GCGR: variants seen among roughly 807,000 people sequenced by gnomAD.
GCGR encodes glucagon receptor.
A neutral mutation model predicts 56.1 loss-of-function variants in GCGR; 41 were observed. The ratio of observed to expected loss-of-function variants is 0.73; its 90% CI spans 0.57 to 0.95. GCGR has a LOEUF of 0.95. GCGR is among the 40% of genes least tolerant of loss of function. GCGR has a pLI of 0.00. For synonymous variants in GCGR, 278 were observed against 271.1 expected, an observed-to-expected ratio of 1.03 and a Z score of -0.25; for missense variants, 595 against 638.2, an observed-to-expected ratio of 0.93 and a Z score of 0.73.
intron 2 of GCGR, 33 bp downstream of exon 2, chr17:81,809,111 GCCCTC>G: frequency 1.3e-6 from 2 of 1,532,242 alleles, no homozygotes; most frequent in Non-Finnish European, 1.7e-6. Flanking sequence ...GCACCCAGGG[GCCCTC>G]CTGTGAGGAC....
At chr17:81,805,066 G>T (rs1021065580) in intron 1 of GCGR, 10 of 152,304 alleles carry the variant, frequency 6.6e-5, no homozygotes, top group Admixed American at 2.0e-4. Context: ...CCCTGATCCC[G>T]CCCCGGTGCC....
In GCGR at chr17:81,809,238, G is replaced by GTCTGTCCA. The variant is rs1192231899; in HGVS notation, c.60+173_60+180dup. On this transcript the variant is annotated intron_variant, in intron 2 of 13. Coordinates refer to ENST00000400723, the MANE Select transcript of GCGR (RefSeq NM_000160.5). ...TGCCTGTCTGTCTGCCTGTCCGTCT[G>GTCTGTCCA]TCTGTCCATCTGTCCATCTGCCTAT... is the stretch of plus-strand genomic sequence containing the variant. Among the ~76,000 whole-genome samples the GTCTGTCCA allele has an allele frequency of 1.5e-4, 22 of 148,318 alleles. 1 individual carries two copies. The South Asian group carries it at 2.3e-3, about 16-fold the overall frequency.
In GCGR at chr17:81,812,911, A is replaced by G; in HGVS notation, c.1142A>G (p.Lys381Arg). ...GCCCAGGGCACCCTGCGCTCCGCCA[A>G]GCTCTTCTTCGACCTCTTCCTCAGC... ...EHAQGTLRSA[K>R]LFFDLFLSSF... is the part of the protein sequence containing the mutation. The change falls in exon 12 of 14, where the codon AAG becomes AGG. Residue 381 changes from lysine to arginine, a missense_variant. Coordinates refer to ENST00000400723, the MANE Select transcript of GCGR (RefSeq NM_000160.5). The surrounding 1 kb of genome is among the most constrained non-coding windows in gnomAD (Gnocchi z 8.5). 1 of 1,536,096 alleles carries G rather than the reference A, an allele frequency of 6.5e-7. No individual in the cohort carries two copies.
rs1476882602 is a variant in GCGR at position 81,809,502 on chromosome 17, TCTGC to T, written c.61-272_61-269del. Among the ~76,000 whole-genome samples, 683 of 107,096 alleles carry T rather than the reference TCTGC, an allele frequency of 6.4e-3. 10 individuals are homozygous for T. The highest frequency in any genetic ancestry group is 0.019 in the African/African-American group (640 of 33,868). 70.3% of individuals were successfully genotyped at this position (107,096 alleles called of 152,430 possible). A position where few individuals can be genotyped will look rare whatever the true frequency, so the allele number is the denominator to read the frequency against. Reference sequence around the variant, plus strand: ...GCCTGCCTGTCCGTCTGCCTGTCCGTCTGCCTGCCTGTCTGCCTGCCTGTCTGCC... The same window carrying T: ...GCCTGCCTGTCCGTCTGCCTGTCCGTCTGCCTGTCTGCCTGCCTGTCTGCC... On this transcript the variant is annotated intron_variant, in intron 2 of 13. Transcript: ENST00000400723.
At position 81,813,067 on chromosome 17, in the gene GCGR, A is replaced by T. The variant is rs1598240455; in HGVS notation, c.1218+10A>T. 6 of 1,535,672 alleles carry T rather than the reference A, an allele frequency of 3.9e-6. No homozygotes were observed. In the East Asian group the frequency reaches 1.5e-4, roughly 38 times the overall value. ...CTTCCTCAACAAGGAGGTAGGTGGG[A>T]GTGGGGGCATCTGAGACCATCAGCA... On this transcript the variant is annotated intron_variant, in intron 13 of 13. Coordinates refer to ENST00000400723, the MANE Select transcript of GCGR (RefSeq NM_000160.5). The surrounding 1 kb of genome is among the most constrained non-coding windows in gnomAD (Gnocchi z 5.3).
chr17:81,812,472 C>T lies in GCGR; in HGVS notation c.949-105C>T. On this transcript the variant is annotated intron_variant, in intron 10 of 13. Coordinates refer to ENST00000400723, the MANE Select transcript of GCGR (RefSeq NM_000160.5). The surrounding 1 kb of genome is among the most constrained non-coding windows in gnomAD (Gnocchi z 8.5). ...CAGGGCTATGTGGCCCAGGGCCTAT[C>T]TTGCTGCCAGGCCCACCTGCAGGAG... The T allele has an allele frequency of 8.3e-7, 1 of 1,200,582 alleles. No homozygotes were observed. Among genetic ancestry groups the T allele is most frequent in the East Asian group, 2.6e-5 (1 of 38,986 alleles). 74.4% of individuals were successfully genotyped at this position (1,200,582 alleles called of 1,614,324 possible).
At chr17:81,809,446 C>CCTGCCTGCCTGTCTGT (rs1162831624) in intron 2 of GCGR, among the ~76,000 whole-genome samples, 1 of 128,576 alleles carries the variant, frequency 7.8e-6, no homozygotes, top group Non-Finnish European at 1.6e-5. Context: ...TGTCCGTCTG[C>CCTGCCTGCCTGTCTGT]CTGCCTGCCT....
Position 81,812,739 on chromosome 17 carries a change from C to T in GCGR, c.1038-68C>T, listed in dbSNP as rs1380692366. The T allele has an allele frequency of 2.0e-6, 3 of 1,531,162 alleles. No homozygotes were observed. Among genetic ancestry groups the T allele is most frequent in the East Asian group, 4.9e-5 (2 of 40,734 alleles). The allele number at this position is 1,531,162 out of a possible 1,614,324, so 94.8% of individuals were successfully genotyped here. A position where few individuals can be genotyped will look rare whatever the true frequency, so the allele number is the denominator to read the frequency against. On this transcript the variant is annotated intron_variant, in intron 11 of 13. Coordinates refer to ENST00000400723, the MANE Select transcript of GCGR (RefSeq NM_000160.5). This position sits in a 1 kb window ranked among gnomAD's most constrained non-coding sequence, Gnocchi z 8.5. ...CAGAGGGCAGCTGGGGGTGGGGACT[C>T]CAAGCTCCACGTGGATGGTGCGGGC...
chr17:81,811,777 A>C lies in GCGR; in HGVS notation c.784A>C (p.Ser262Arg), dbSNP rs1568253337. 2.0e-6 allele frequency: 3 copies of C among 1,537,416 alleles called. No individual in the cohort carries two copies. The highest frequency in any genetic ancestry group is 2.6e-6 in the Non-Finnish European group (3 of 1,147,148). ...LLGLATLPER[S>R]FFSLYLGIGW... is the part of the protein sequence containing the mutation. ...GGGCCTGGCCACCCTCCCCGAGAGG[A>C]GCTTCTTCAGCCTCTACCTGGGCAT... Residue 262 changes from serine (S) to arginine (R), a missense_variant, in exon 8 of 14, where the codon AGC becomes CGC. Physicochemically the swap from Ser to Arg is moderately radical, Grantham distance 110. Coordinates refer to ENST00000400723, the MANE Select transcript of GCGR (RefSeq NM_000160.5). This position sits in a 1 kb window ranked among gnomAD's most constrained non-coding sequence, Gnocchi z 5.8.
At chr17:81,807,578 C>T (rs1307080270) in intron 1 of GCGR, among the ~76,000 whole-genome samples, 1 of 152,254 alleles carries the variant, frequency 6.6e-6, no homozygotes, top group African/African-American at 2.4e-5. Context: ...CTCCTTGCCC[C>T]TCTCCCCGGC....
In GCGR at chr17:81,811,313, T is replaced by A; in HGVS notation, c.485T>A (p.Ile162Asn). The part of the protein sequence containing the change: ...SLGALLLALA[I>N]LGGLSKLHCT... ...GGGGCCCTGCTCCTCGCCTTGGCCA[T>A]CCTGGGGGGCCTCAGGTAGGATTCC... The change falls in exon 6 of 14, where the codon ATC (isoleucine) becomes AAC (asparagine). Residue 162 changes from isoleucine (I) to asparagine (N), a missense_variant. Ile to Asn is a moderately radical substitution (Grantham distance 149, BLOSUM62 -3). Transcript: ENST00000400723. This position sits in a 1 kb window ranked among gnomAD's most constrained non-coding sequence, Gnocchi z 5.8. 1 of 1,535,154 alleles carries A rather than the reference T, an allele frequency of 6.5e-7. No homozygotes were observed. The highest frequency in any genetic ancestry group is 8.7e-7 in the Non-Finnish European group (1 of 1,146,014).
chr17:81,808,116 C>T (rs926151284), intron 1 of GCGR, among the ~76,000 whole-genome samples: 27 of 152,266 alleles, frequency 1.8e-4, no homozygotes, highest in South Asian at 8.3e-4. Context: ...ACATGTGACA[C>T]AGACCCCTGA....
In GCGR at chr17:81,810,730, C is replaced by A; in HGVS notation, c.164-95C>A. ...TGTCCTGGGCGAGGTGACGGCCGAG[C>A]TCAGGCTTCCAGAGAGAGGAGAGAG... On this transcript the variant is annotated intron_variant, in intron 3 of 13. Transcript: ENST00000400723. The surrounding 1 kb of genome is among the most constrained non-coding windows in gnomAD (Gnocchi z 4.6). 1 of 1,225,052 alleles carries A rather than the reference C, an allele frequency of 8.2e-7. No homozygotes were observed. The highest frequency in any genetic ancestry group is 1.2e-6 in the Non-Finnish European group (1 of 866,308). 75.9% of individuals were successfully genotyped at this position (1,225,052 alleles called of 1,614,324 possible).
Position 81,811,393 on chromosome 17 carries a change from T to C in GCGR, c.501-11T>C, listed in dbSNP as rs1013879858. On this transcript the variant is annotated splice_polypyrimidine_tract_variant and intron_variant, in intron 6 of 13. Transcript: ENST00000400723. The surrounding 1 kb of genome is among the most constrained non-coding windows in gnomAD (Gnocchi z 5.8). ...GGGAGGAGGACGGGCGCTGACTGGCTGTGCCCACAGCAAGCTGCACTGCAC... is the reference window on the plus strand; with the variant it reads ...GGGAGGAGGACGGGCGCTGACTGGCCGTGCCCACAGCAAGCTGCACTGCAC... The C allele has an allele frequency of 1.3e-6, 2 of 1,536,084 alleles. No homozygotes were observed. Among genetic ancestry groups the C allele is most frequent in the African/African-American group, 1.4e-5 (1 of 73,054 alleles).
intron 1 of GCGR, among the ~76,000 whole-genome samples, chr17:81,807,826 G>A (rs2037994048): frequency 6.6e-6 from 1 of 152,252 alleles, no homozygotes; most frequent in African/African-American, 2.4e-5. Context: ...AGGCCGATTT[G>A]TGTAGCTGTT....
In GCGR at chr17:81,809,854, C is replaced by T. The variant is rs984272223; in HGVS notation, c.133C>T (p.His45Tyr). 1.6e-5 allele frequency: 24 copies of T among 1,536,472 alleles called. No homozygotes were observed. In the East Asian group the frequency reaches 5.9e-4, roughly 38 times the overall value. Residue 45 changes from histidine (H) to tyrosine (Y), a missense_variant, in exon 3 of 14, where the codon CAC becomes TAC. Transcript: ENST00000400723. ...GAAGCTCTACGGTGACCAGTGTCAC[C>T]ACAACCTGAGCCTGCTGCCCCCTCC... The part of the protein sequence containing the change: ...KWKLYGDQCH[H>Y]NLSLLPPPTE...
In GCGR at chr17:81,813,499, G is replaced by A. The variant is rs1258938272; in HGVS notation, c.1244G>A (p.Trp415Ter). The A allele has an allele frequency of 6.5e-7, 1 of 1,535,362 alleles. No homozygotes were observed. The highest frequency in any genetic ancestry group is 8.7e-7 in the Non-Finnish European group (1 of 1,146,754). The change falls in exon 14 of 14, where the codon TGG becomes TAG. Residue 415 changes from tryptophan (W) to a stop codon, truncating the protein, a stop_gained. Coordinates refer to ENST00000400723, the MANE Select transcript of GCGR (RefSeq NM_000160.5). LOFTEE classifies it low-confidence loss of function (END_TRUNC). The surrounding 1 kb of genome is among the most constrained non-coding windows in gnomAD (Gnocchi z 5.3). Reference sequence around the variant, plus strand: ...GTGCAGTCGGAGCTGCGGCGGCGTTGGCACCGCTGGCGCCTGGGCAAAGTG... The same window carrying A: ...GTGCAGTCGGAGCTGCGGCGGCGTTAGCACCGCTGGCGCCTGGGCAAAGTG... The part of the protein sequence containing the change: ...KEVQSELRRR[W>*]HRWRLGKVLW...
At chr17:81,809,121 G>A (rs988353220) in intron 2 of GCGR, 43 bp downstream of exon 2, 7 of 1,527,538 alleles carry the variant, frequency 4.6e-6, no homozygotes, top group Non-Finnish European at 6.1e-6. Context: ...GCCCTCCTGT[G>A]AGGACTGCAC....
Position 81,811,640 on chromosome 17 carries a change from A to G in GCGR, c.658-11A>G. The G allele has an allele frequency of 6.5e-7, 1 of 1,536,246 alleles. No individual in the cohort carries two copies. Among genetic ancestry groups the G allele is most frequent in the Non-Finnish European group, 8.7e-7 (1 of 1,146,864 alleles). On this transcript the variant is annotated splice_polypyrimidine_tract_variant and intron_variant, in intron 7 of 13. Coordinates refer to ENST00000400723, the MANE Select transcript of GCGR (RefSeq NM_000160.5). The surrounding 1 kb of genome is among the most constrained non-coding windows in gnomAD (Gnocchi z 5.8). ...GGCCACGTAGCCGCGCTCACACTGC[A>G]CCTGTACCAGGCGGTGGCTGGCTGC...
Sources: gnomAD v4.1 joint callset for allele counts (sites outside exome capture counted in the v4.1 genomes callset) on GRCh38, gnomAD v4.1.1 for gene constraint, Gnocchi (gnomAD v3.1) non-coding constraint, MANE v1.5 for transcripts, NCBI Gene and HGNC (gene_info 2026-07-23, HGNC 2026-07-21) for gene names.